BCL11A: variants seen among roughly 807,000 people sequenced by gnomAD.
BCL11A encodes the protein B cell CLL/lymphoma 11A.
BCL11A carries 2 observed loss-of-function variants against 55.9 expected under a neutral mutation model. The observed-to-expected ratio is 0.04, with a 90% CI of 0.01 to 0.11. BCL11A has a LOEUF of 0.11. Among genes scored for constraint, BCL11A ranks in the 10% least tolerant of loss-of-function variants. The probability of loss-of-function intolerance (pLI) is 1.00; values close to 1 mark genes in which losing one functional copy is unlikely to be tolerated. For synonymous variants in BCL11A, 465 were observed against 473.4 expected, an observed-to-expected ratio of 0.98 and a Z score of 0.23; for missense variants, 817 against 1,137.1, an observed-to-expected ratio of 0.72 and a Z score of 4.05.
At chr2:60,493,073 G>A (rs144866206) in intron 2 of BCL11A, among the ~76,000 whole-genome samples, 36 of 152,264 alleles carry the variant, frequency 2.4e-4, no homozygotes, top group African/African-American at 8.2e-4. Context: ...GTTACAAATG[G>A]ACTCATACAG....
At chr2:60,479,127 C>A (rs1227096116) in intron 2 of BCL11A, among the ~76,000 whole-genome samples, 1 of 152,232 alleles carries the variant, frequency 6.6e-6, no homozygotes, top group African/African-American at 2.4e-5. Flanking sequence ...TGGGGTGTGG[C>A]ACTGCCGTCT....
At chr2:60,482,745 T>C (rs1678033966) in intron 2 of BCL11A, among the ~76,000 whole-genome samples, 1 of 152,238 alleles carries the variant, frequency 6.6e-6, no homozygotes, top group Non-Finnish European at 1.5e-5. Flanking sequence ...AATTCTATTT[T>C]GAAGGACAGG....
intron 2 of BCL11A, among the ~76,000 whole-genome samples, chr2:60,472,794 A>G (rs1677280347): frequency 6.6e-6 from 1 of 152,246 alleles, no homozygotes; most frequent in Non-Finnish European, 1.5e-5. Flanking sequence ...TGGGTGTGTA[A>G]TACAGCCACA....
chr2:60,504,900 C>G (rs1047396766), intron 2 of BCL11A, among the ~76,000 whole-genome samples: 1 of 152,088 alleles, frequency 6.6e-6, no homozygotes, highest in Non-Finnish European at 1.5e-5. Flanking sequence ...AACAGAGCGT[C>G]CCCCCAAAAA....
At position 60,461,103 on chromosome 2, in the gene BCL11A, A is replaced by G; in HGVS notation, c.1809T>C (p.Asn603=). 6.2e-7 allele frequency: 1 copy of G among 1,605,888 alleles called. No homozygotes were observed. The highest frequency in any genetic ancestry group is 8.5e-7 in the Non-Finnish European group (1 of 1,176,020). The change falls in exon 4 of 4, where the codon AAT becomes AAC. Residue 603 remains asparagine, a synonymous_variant. Coordinates refer to ENST00000642384, the MANE Select transcript of BCL11A (RefSeq NM_022893.4). ...ACTCGCCCGGGGAGCAGCCGCGGCCATTAACAGTGCCATCGTCTATGCGGT... is the reference window on the plus strand; with the variant it reads ...ACTCGCCCGGGGAGCAGCCGCGGCCGTTAACAGTGCCATCGTCTATGCGGT... ...ESDRIDDGTV[N]GRGCSPGESA...
In BCL11A at chr2:60,457,668, T is replaced by A. The variant is rs1676002832; in HGVS notation, c.*2736A>T. 9.7e-7 allele frequency: 1 copy of A among 1,029,934 alleles called. No homozygotes were observed. Among genetic ancestry groups the A allele is most frequent in the South Asian group, 4.6e-5 (1 of 21,548 alleles). 63.8% of individuals were successfully genotyped at this position (1,029,934 alleles called of 1,614,324 possible). On this transcript the variant is annotated 3_prime_UTR_variant, in exon 4 of 4. Transcript: ENST00000642384. ...GGCAATGAAAAAAACTGCAAAACAT[T>A]GGTTTTTTTTTTTTTTTCCTTTTTT...
chr2:60,458,894 T>A lies in BCL11A; in HGVS notation c.*1510A>T. ...AAAAAATAAAAATAAAAACAATGAA[T>A]CCTCTTCCATGTTAACACAAATAGC... On this transcript the variant is annotated 3_prime_UTR_variant, in exon 4 of 4. Coordinates refer to ENST00000642384, the MANE Select transcript of BCL11A (RefSeq NM_022893.4). The A allele has an allele frequency of 5.8e-6, 6 of 1,031,526 alleles. No individual in the cohort carries two copies. The highest frequency in any genetic ancestry group is 7.0e-6 in the Non-Finnish European group (6 of 856,820). The allele number at this position is 1,031,526 out of a possible 1,614,324, so 63.9% of individuals were successfully genotyped here.
At chr2:60,507,823 C>T (rs1164991354) in intron 2 of BCL11A, among the ~76,000 whole-genome samples, 1 of 152,132 alleles carries the variant, frequency 6.6e-6, no homozygotes, top group African/African-American at 2.4e-5. Context: ...AAACTGTATA[C>T]AGGACACGTC....
chr2:60,511,792 G>A (rs1199981944), intron 2 of BCL11A, among the ~76,000 whole-genome samples: 1 of 152,212 alleles, frequency 6.6e-6, no homozygotes, highest in Non-Finnish European at 1.5e-5. Flanking sequence ...AAGGGGCAGG[G>A]GAGTCATTAA....
At chr2:60,505,369 T>G (rs1222597899) in intron 2 of BCL11A, among the ~76,000 whole-genome samples, 1 of 152,176 alleles carries the variant, frequency 6.6e-6, no homozygotes, top group Non-Finnish European at 1.5e-5. Context: ...AACACACCAC[T>G]TTGTCAGGAC....
intron 2 of BCL11A, chr2:60,534,746 C>G (rs1669598135): frequency 6.6e-6 from 1 of 152,232 alleles, no homozygotes; most frequent in South Asian, 2.1e-4. Context: ...TTGCTCCTTT[C>G]TACTGGGGCA....
intron 2 of BCL11A, among the ~76,000 whole-genome samples, chr2:60,488,956 C>T (rs1214673188): frequency 6.6e-6 from 1 of 152,140 alleles, no homozygotes; most frequent in Non-Finnish European, 1.5e-5. Flanking sequence ...GACGGGGTTT[C>T]TCCATGTTGG....
chr2:60,523,489 C>G (rs1237944073), intron 2 of BCL11A, among the ~76,000 whole-genome samples: 1 of 151,982 alleles, frequency 6.6e-6, no homozygotes, highest in Non-Finnish European at 1.5e-5. Context: ...CTTTCCTATT[C>G]TCTCTCTCTC....
At chr2:60,530,307 T>A (rs1669389510) in intron 2 of BCL11A, among the ~76,000 whole-genome samples, 2 of 143,746 alleles carry the variant, frequency 1.4e-5, no homozygotes, top group African/African-American at 5.1e-5. Context: ...CACAGGCCCT[T>A]CCAACAAGTT....
intron 2 of BCL11A, among the ~76,000 whole-genome samples, chr2:60,519,606 G>A (rs753244436): frequency 2.7e-5 from 4 of 145,840 alleles, no homozygotes; most frequent in South Asian, 4.3e-4. Flanking sequence ...AAGAGAAATC[G>A]CTCCTGAAAT....
chr2:60,494,148 T>G (rs911303311), intron 2 of BCL11A, among the ~76,000 whole-genome samples: 1 of 152,178 alleles, frequency 6.6e-6, no homozygotes, highest in Non-Finnish European at 1.5e-5. Flanking sequence ...CTACATTACT[T>G]AAGAAACCTG....
At chr2:60,530,332 TAAAA>T (rs10699821) in intron 2 of BCL11A, among the ~76,000 whole-genome samples, 1 of 129,920 alleles carries the variant, frequency 7.7e-6, no homozygotes, top group Non-Finnish European at 1.6e-5. Flanking sequence ...TTCAGCCATT[TAAAA>T]AAAAAAAAAA....
chr2:60,500,109 G>C (rs949745112), intron 2 of BCL11A: 1 of 152,626 alleles, frequency 6.6e-6, no homozygotes, highest in African/African-American at 2.4e-5. Context: ...CTGCCTGCCA[G>C]TGAGATTGCA....
intron 2 of BCL11A, chr2:60,538,652 G>T (rs1286508666): frequency 6.6e-6 from 1 of 151,332 alleles, no homozygotes; most frequent in South Asian, 2.1e-4. Context: ...GTTGAAAGTT[G>T]TTTTTTAAAA....
Sources: gnomAD v4.1 joint callset for allele counts (sites outside exome capture counted in the v4.1 genomes callset) on GRCh38, gnomAD v4.1.1 for gene constraint, MANE v1.5 for transcripts, NCBI Gene and HGNC (gene_info 2026-07-23, HGNC 2026-07-21) for gene names.